Variants in AKAP7 observed in about 807,000 individuals in gnomAD.
AKAP7 encodes the protein A kinase (PRKA) anchor protein 7.
In AKAP7, 39 loss-of-function variants were observed where a neutral mutation model predicts 39.5. The observed-to-expected ratio is 0.99, with a 90% CI of 0.76 to 1.29. The LOEUF (loss-of-function observed/expected upper bound fraction) is 1.29. AKAP7 is among the 50% of genes most tolerant of loss of function. The pLI, the probability that AKAP7 is intolerant of heterozygous loss-of-function variation, is 0.00. For missense variants in AKAP7, 414 were observed against 407.7 expected (o/e 1.02, Z -0.13); for synonymous variants, 140 against 139.1 (o/e 1.01, Z -0.05).
chr6:131,268,418 G>T (rs1476001174), intron 7 of AKAP7, among the ~76,000 whole-genome samples: 1 of 152,154 alleles, frequency 6.6e-6, no homozygotes, highest in Admixed American at 6.6e-5. Context: ...ATAACCAAAT[G>T]CAATAATGTT....
intron 1 of AKAP7, among the ~76,000 whole-genome samples, chr6:131,143,258 G>C (rs983792993): frequency 6.6e-6 from 1 of 151,700 alleles, no homozygotes; most frequent in Non-Finnish European, 1.5e-5. Flanking sequence ...TCCAAATCCC[G>C]TGTTGAGATG....
In AKAP7 at chr6:131,160,182, C is replaced by T; in HGVS notation, c.275C>T (p.Pro92Leu). Residue 92 changes from proline (P) to leucine (L), a missense_variant, in exon 3 of 8, where the codon CCA becomes CTA. Physicochemically the swap from Pro to Leu is moderately conservative, Grantham distance 98. Transcript: ENST00000431975. ...CAACCCAACTATTTCCTGTCCATTC[C>T]AATCACCAACAAAGAGGTGCTATTT... is the stretch of plus-strand genomic sequence containing the variant. ...DYQPNYFLSI[P>L]ITNKEIIKGI... The T allele has an allele frequency of 6.2e-7, 1 of 1,600,104 alleles. No homozygotes were observed. Among genetic ancestry groups the T allele is most frequent in the South Asian group, 1.1e-5 (1 of 87,508 alleles).
intron 6 of AKAP7, among the ~76,000 whole-genome samples, chr6:131,203,567 A>T (rs940231614): frequency 1.3e-5 from 2 of 152,146 alleles, no homozygotes; most frequent in Non-Finnish European, 2.9e-5. Flanking sequence ...ACTGTAAACA[A>T]TTCAAATACT....
Position 131,219,737 on chromosome 6 carries a change from T to C in AKAP7, c.779T>C (p.Ile260Thr). The C allele has an allele frequency of 2.5e-6, 4 of 1,599,202 alleles. No individual in the cohort carries two copies. Among genetic ancestry groups the C allele is most frequent in the Non-Finnish European group, 3.4e-6 (4 of 1,172,268 alleles). Reference sequence around the variant, plus strand: ...TTTGGAGAAGAAATATTATATCGCATAGATCTTTGCTCCATGCTGAAGAAA... The same window carrying C: ...TTTGGAGAAGAAATATTATATCGCACAGATCTTTGCTCCATGCTGAAGAAA... ...HRFGEEILYR[I>T]DLCSMLKKKQ... is the part of the protein sequence containing the mutation. The change falls in exon 7 of 8, where the codon ATA becomes ACA. Residue 260 changes from isoleucine to threonine, a missense_variant. Physicochemically the swap from Ile to Thr is moderately conservative, Grantham distance 89 (BLOSUM62 -1). Transcript: ENST00000431975.
intron 7 of AKAP7, among the ~76,000 whole-genome samples, chr6:131,231,278 A>T (rs2128305820): frequency 6.6e-6 from 1 of 152,310 alleles, no homozygotes; most frequent in African/African-American, 2.4e-5. Context: ...GAAATGACTC[A>T]TTTAAAAATC....
chr6:131,127,305 G>A, the AKAP7 span, among the ~76,000 whole-genome samples: 1 of 152,156 alleles, frequency 6.6e-6, no homozygotes, highest in African/African-American at 2.4e-5. Context: ...AAAGTGCTGG[G>A]ATTACATGCC....
intron 7 of AKAP7, among the ~76,000 whole-genome samples, chr6:131,258,703 T>C (rs187252609): frequency 6.6e-6 from 1 of 152,344 alleles, no homozygotes; most frequent in East Asian, 1.9e-4. Flanking sequence ...AAAGAATAAG[T>C]ATAGCTTTAA....
chr6:131,190,093 G>A (rs1283940940), intron 5 of AKAP7, among the ~76,000 whole-genome samples: 2 of 152,008 alleles, frequency 1.3e-5, no homozygotes, highest in Admixed American at 1.3e-4. Context: ...AATACCCTAA[G>A]CAATAGATTA....
intron 5 of AKAP7, among the ~76,000 whole-genome samples, chr6:131,186,798 A>G (rs948383553): frequency 1.4e-5 from 2 of 147,086 alleles, no homozygotes; most frequent in Non-Finnish European, 3.1e-5. Context: ...CAGTAATCCC[A>G]TTAATGAAGG....
chr6:131,243,388 A>T (rs1811762359), intron 7 of AKAP7, among the ~76,000 whole-genome samples: 1 of 152,184 alleles, frequency 6.6e-6, no homozygotes, highest in Non-Finnish European at 1.5e-5. Context: ...CCATAAACAG[A>T]CTAATCAGAA....
intron 2 of AKAP7, among the ~76,000 whole-genome samples, chr6:131,155,565 A>T (rs1802346379): frequency 6.6e-6 from 1 of 152,198 alleles, no homozygotes; most frequent in African/African-American, 2.4e-5. Context: ...AATTAGCTTG[A>T]AATTTCTATA....
intron 1 of AKAP7, among the ~76,000 whole-genome samples, chr6:131,143,102 C>G (rs979265139): frequency 1.3e-5 from 2 of 152,110 alleles, no homozygotes; most frequent in Admixed American, 1.3e-4. Context: ...AAGAAACTTA[C>G]CTTGAGTCTC....
In AKAP7 at chr6:131,161,644, C is replaced by CAAAAAA. The variant is rs55744190; in HGVS notation, c.291+1481_291+1486dup. On this transcript the variant is annotated intron_variant, in intron 3 of 7. Transcript: ENST00000431975. ...TGGGTGACAGAGCCAGACTGTATCT[C>CAAAAAA]AAAAAAAAAAAAAAAAAAAAAAAAA... 5.9e-3 allele frequency among the ~76,000 whole-genome samples: 200 copies of CAAAAAA among 33,622 alleles called. 32 individuals carry two copies. Among genetic ancestry groups the CAAAAAA allele is most frequent in the African/African-American group, 9.2e-3 (86 of 9,348 alleles). The allele number at this position is 33,622 out of a possible 152,430, so 22.1% of individuals were successfully genotyped here. A position where few individuals can be genotyped will look rare whatever the true frequency, so the allele number is the denominator to read the frequency against.
At chr6:131,218,834 G>A (rs74932170) in intron 6 of AKAP7, among the ~76,000 whole-genome samples, 18,664 of 152,098 alleles carry the variant, frequency 0.12, 1,332 homozygotes, top group Non-Finnish European at 0.15. Context: ...AAGTAATCTT[G>A]TCTTTCAGAT....
Position 131,135,753 on chromosome 6 carries a change from G to T in AKAP7, c.-11G>T, listed in dbSNP as rs2128221153. The T allele has an allele frequency of 8.1e-7, 1 of 1,228,010 alleles. No homozygotes were observed. Among genetic ancestry groups the T allele is most frequent in the South Asian group, 4.1e-5 (1 of 24,548 alleles). 76.1% of individuals were successfully genotyped at this position (1,228,010 alleles called of 1,614,324 possible). A position where few individuals can be genotyped will look rare whatever the true frequency, so the allele number is the denominator to read the frequency against. On this transcript the variant is annotated 5_prime_UTR_variant, in exon 1 of 8. An upstream start codon of the reference 5' UTR is lost. Coordinates refer to ENST00000431975, the MANE Select transcript of AKAP7 (RefSeq NM_016377.4). ...GCCAGCCCAGACGCGCCGCCCGCAT[G>T]CGCCGCGACCATGGAGCGCCCCGAA...
At chr6:131,204,496 C>T (rs901531565) in intron 6 of AKAP7, among the ~76,000 whole-genome samples, 12 of 152,154 alleles carry the variant, frequency 7.9e-5, no homozygotes, top group African/African-American at 1.2e-4. Flanking sequence ...TGTGTTTCAT[C>T]GCATTTTAGA....
At chr6:131,133,266 T>G (rs945954130), upstream of AKAP7, among the ~76,000 whole-genome samples, 2 of 152,166 alleles carry the variant, frequency 1.3e-5, no homozygotes, top group African/African-American at 4.8e-5. Flanking sequence ...TTATTATGGG[T>G]ATATAGATTT....
intron 2 of AKAP7, among the ~76,000 whole-genome samples, chr6:131,157,685 G>A (rs1278925223): frequency 6.6e-6 from 1 of 152,130 alleles, no homozygotes; most frequent in East Asian, 1.9e-4. Context: ...TTATAACACA[G>A]ATAAAAATGC....
intron 5 of AKAP7, among the ~76,000 whole-genome samples, chr6:131,188,605 A>G (rs1806103020): frequency 6.6e-6 from 1 of 152,150 alleles, no homozygotes; most frequent in Non-Finnish European, 1.5e-5. Flanking sequence ...TGGTGTCATC[A>G]CAGCTCACTG....
Sources: allele counts gnomAD v4.1 joint callset (sites outside exome capture counted in the v4.1 genomes callset), GRCh38; gene constraint gnomAD v4.1.1; transcripts MANE v1.5; gene names NCBI Gene and HGNC (gene_info 2026-07-23, HGNC 2026-07-21).